The following ABL1 variants were observed in gnomAD, a reference collection of about 807,000 sequenced individuals.
ABL1 encodes the protein ABL proto-oncogene 1, non-receptor tyrosine kinase.
In ABL1, 11 loss-of-function variants were observed where a neutral mutation model predicts 94.7. The ratio of observed to expected loss-of-function variants is 0.12; its 90% confidence interval spans 0.07 to 0.19. The LOEUF is 0.19. ABL1 is among the 10% of genes least tolerant of loss of function. The pLI, the probability that ABL1 is intolerant of heterozygous loss-of-function variation, is 1.00. For synonymous variants in ABL1, 656 were observed against 622.4 expected, an observed-to-expected ratio of 1.05 and a Z score of -0.80; for missense variants, 1,082 against 1,489.4, an observed-to-expected ratio of 0.73 and a Z score of 4.50.
chr9:130,822,338 G>A (rs1422724932), intron 1 of ABL1, among the ~76,000 whole-genome samples: 1 of 151,832 alleles, frequency 6.6e-6, no homozygotes, highest in Middle Eastern at 3.2e-3. Context: ...TTCCTAAAGT[G>A]ACTGTACCAT....
intron 1 of ABL1, among the ~76,000 whole-genome samples, chr9:130,845,466 C>G (rs992651100): frequency 6.6e-5 from 10 of 152,014 alleles, no homozygotes; most frequent in Non-Finnish European, 1.3e-4. Context: ...CTCAGCCTCC[C>G]GAGTAGCTGG....
intron 1 of ABL1, among the ~76,000 whole-genome samples, chr9:130,770,943 G>A (rs189639155): frequency 6.6e-6 from 1 of 152,238 alleles, no homozygotes; most frequent in African/African-American, 2.4e-5. Context: ...TCCTCCTGAA[G>A]GAACAGATAA....
rs189495959 is a variant in ABL1, at chr9:130,862,014, C to T, written c.550-749C>T. On this transcript the variant is annotated intron_variant, in intron 3 of 10. Coordinates refer to ENST00000318560, the MANE Select transcript of ABL1 (RefSeq NM_005157.6). The surrounding 1 kb of genome is among the most constrained non-coding windows in gnomAD (Gnocchi z 5.5). The stretch of plus-strand genomic sequence containing the variant: ...GTCCTCACCTGCTGTAGCTCTCACA[C>T]GGGGACCGAATGCTCTTGTGTCGTA... Among the ~76,000 whole-genome samples, 9 of 152,354 alleles carry T rather than the reference C, an allele frequency of 5.9e-5. No homozygotes were observed. Among genetic ancestry groups the T allele is most frequent in the Non-Finnish European group, 1.5e-5 (1 of 68,030 alleles).
chr9:130,804,079 G>C (rs563817034), intron 1 of ABL1, among the ~76,000 whole-genome samples: 32 of 151,992 alleles, frequency 2.1e-4, no homozygotes, highest in Non-Finnish European at 1.2e-4. Flanking sequence ...AAAAATGACC[G>C]GACACAGTTG....
At chr9:130,873,415 G>A (rs1165856625) in intron 6 of ABL1, among the ~76,000 whole-genome samples, 1 of 152,276 alleles carries the variant, frequency 6.6e-6, no homozygotes, top group Non-Finnish European at 1.5e-5. Flanking sequence ...CCAGCGCCCA[G>A]CAGTAATGGC....
At chr9:130,798,273 G>A (rs1182170508) in intron 1 of ABL1, among the ~76,000 whole-genome samples, 2 of 152,122 alleles carry the variant, frequency 1.3e-5, no homozygotes, top group African/African-American at 4.8e-5. Context: ...ACTCATACAT[G>A]AAAGTGAAGG....
At chr9:130,758,963 T>C (rs1263167610) in intron 1 of ABL1, among the ~76,000 whole-genome samples, 1 of 152,164 alleles carries the variant, frequency 6.6e-6, no homozygotes, top group Non-Finnish European at 1.5e-5. Context: ...CATGACCTTT[T>C]TTTGGTGCTA....
chr9:130,884,141 C>T lies in ABL1; in HGVS notation c.1851C>T (p.Arg617=). The stretch of plus-strand genomic sequence containing the variant: ...AGACAGCCCCAACCCCTCCCAAACG[C>T]AGCAGCTCCTTCCGGGAGATGGACG... ...KKKTAPTPPK[R]SSSFREMDGQ... Residue 617 remains arginine (R), a synonymous_variant, in exon 11 of 11, where the codon CGC becomes CGT. Coordinates refer to ENST00000318560, the MANE Select transcript of ABL1 (RefSeq NM_005157.6). This position sits in a 1 kb window ranked among gnomAD's most constrained non-coding sequence, Gnocchi z 5.6. 5.6e-6 allele frequency: 9 copies of T among 1,613,596 alleles called. No individual in the cohort carries two copies. The highest frequency in any genetic ancestry group is 7.6e-6 in the Non-Finnish European group (9 of 1,180,022).
At chr9:130,864,781 A>C (rs1831129158) in intron 4 of ABL1, among the ~76,000 whole-genome samples, 1 of 152,180 alleles carries the variant, frequency 6.6e-6, no homozygotes, top group African/African-American at 2.4e-5. Context: ...CTTGGGTTGC[A>C]CAGGGTTGAA....
rs551509763 is a variant in ABL1 at position 130,884,895 on chromosome 9, C to T, written c.2605C>T (p.Pro869Ser). 3 of 1,609,102 alleles carry T rather than the reference C, an allele frequency of 1.9e-6. No individual in the cohort carries two copies. The highest frequency in any genetic ancestry group is 2.2e-5 in the South Asian group (2 of 90,554). Residue 869 changes from proline (P) to serine (S), a missense_variant, in exon 11 of 11, where the codon CCC (proline) becomes TCC (serine). Physicochemically the swap from Pro to Ser is moderately conservative, Grantham distance 74 (BLOSUM62 -1). Around this residue, in one of 7 missense-constraint regions of ABL1, gnomAD observed 780 missense variants for 835.8 expected, o/e 0.93. Coordinates refer to ENST00000318560, the MANE Select transcript of ABL1 (RefSeq NM_005157.6). The surrounding 1 kb of genome is among the most constrained non-coding windows in gnomAD (Gnocchi z 5.6). ...SGAPGGTSKG[P>S]AEESRVRRHK... ...TGCACCAGGGGGCACCAGCAAGGGC[C>T]CCGCCGAGGAGTCCAGAGTGAGGAG... is the stretch of plus-strand genomic sequence containing the variant.
At chr9:130,875,143 T>C (rs1831319056) in intron 7 of ABL1, 91 bp downstream of exon 7, 8 of 1,383,482 alleles carry the variant, frequency 5.8e-6, no homozygotes, top group Non-Finnish European at 7.8e-6. Flanking sequence ...CTTTTCTTCC[T>C]TTCTTTTTGT....
chr9:130,878,215 T>A (rs1445092358), intron 7 of ABL1, among the ~76,000 whole-genome samples, 200 bp from the exon 8 acceptor site: 1 of 152,164 alleles, frequency 6.6e-6, no homozygotes, highest in Non-Finnish European at 1.5e-5. Context: ...CCTCCCAAAG[T>A]GCTGGGATTA....
At chr9:130,745,031 A>C (rs927803264) in intron 1 of ABL1, among the ~76,000 whole-genome samples, 1 of 151,910 alleles carries the variant, frequency 6.6e-6, no homozygotes, top group African/African-American at 2.4e-5. Context: ...CAAAGTGGGC[A>C]AGGAATAAAG....
Position 130,872,307 on chromosome 9 carries a change from A to G in ABL1, c.907+94A>G, listed in dbSNP as rs1022373393. 3 of 1,165,030 alleles carry G rather than the reference A, an allele frequency of 2.6e-6. No homozygotes were observed. Among genetic ancestry groups the G allele is most frequent in the East Asian group, 2.5e-5 (1 of 40,144 alleles). 72.2% of individuals were successfully genotyped at this position (1,165,030 alleles called of 1,614,324 possible). A position where few individuals can be genotyped will look rare whatever the true frequency, so the allele number is the denominator to read the frequency against. On this transcript the variant is annotated intron_variant, in intron 5 of 10. Transcript: ENST00000318560. The surrounding 1 kb of genome is among the most constrained non-coding windows in gnomAD (Gnocchi z 5.0). Reference sequence around the variant, plus strand: ...AAGACGCACGGGCGGCTCACTGCACAAAACCTCGTTGGAATATTTGTGCTC... The same window carrying G: ...AAGACGCACGGGCGGCTCACTGCACGAAACCTCGTTGGAATATTTGTGCTC...
In ABL1 at chr9:130,886,916, C is replaced by G. The variant is rs1393481467; in HGVS notation, c.*1233C>G. 1.7e-5 allele frequency: 4 copies of G among 232,888 alleles called. No individual in the cohort carries two copies. The highest frequency in any genetic ancestry group is 3.4e-5 in the Non-Finnish European group (4 of 117,830). The allele number at this position is 232,888 out of a possible 1,614,324, so 14.4% of individuals were successfully genotyped here. ...ATTTAATTACCGTGAGTGACATAGCCTCATGTTCTGTGGGGGTCATCAGGG... is the reference window on the plus strand; with the variant it reads ...ATTTAATTACCGTGAGTGACATAGCGTCATGTTCTGTGGGGGTCATCAGGG... On this transcript the variant is annotated 3_prime_UTR_variant, in exon 11 of 11. Transcript: ENST00000318560.
chr9:130,844,914 G>T (rs1458053445), intron 1 of ABL1, among the ~76,000 whole-genome samples: 2 of 152,228 alleles, frequency 1.3e-5, no homozygotes, highest in African/African-American at 2.4e-5. Flanking sequence ...CTACATTTTA[G>T]TAAGAGGTTA....
At chr9:130,868,934 G>T (rs997489971) in intron 4 of ABL1, among the ~76,000 whole-genome samples, 1 of 152,086 alleles carries the variant, frequency 6.6e-6, no homozygotes, top group African/African-American at 2.4e-5. Flanking sequence ...CTGGGAGGCC[G>T]AGGAGGGCAG....
At chr9:130,748,993 A>G (rs1290957888) in intron 1 of ABL1, among the ~76,000 whole-genome samples, 2 of 152,206 alleles carry the variant, frequency 1.3e-5, no homozygotes, top group African/African-American at 4.8e-5. Flanking sequence ...GACCCGAAGT[A>G]TGAAATAGGC....
chr9:130,811,532 C>T (rs1287156346), intron 1 of ABL1, among the ~76,000 whole-genome samples: 1 of 152,052 alleles, frequency 6.6e-6, no homozygotes, highest in African/African-American at 2.4e-5. Flanking sequence ...GCTTTTTACA[C>T]TACATGTGAA....
Sources: allele counts gnomAD v4.1 joint callset (sites outside exome capture counted in the v4.1 genomes callset), GRCh38; gene constraint gnomAD v4.1.1; regional missense constraint gnomAD v4.1.1; non-coding constraint Gnocchi (gnomAD v3.1); transcripts MANE v1.5; gene names NCBI Gene and HGNC (gene_info 2026-07-23, HGNC 2026-07-21).